Variants in PCDHGB2 observed in about 807,000 individuals in gnomAD.
PCDHGB2 encodes protocadherin gamma-B2.
A neutral mutation model predicts 59.3 loss-of-function variants in PCDHGB2; 55 were observed. That is an observed-to-expected ratio of 0.93 (90% CI 0.75 to 1.16). PCDHGB2 has a LOEUF of 1.16. Among genes scored for constraint, PCDHGB2 ranks in the 50% most tolerant of loss-of-function variants. The pLI is 0.00. For synonymous variants in PCDHGB2, 516 were observed against 512.0 expected, an observed-to-expected ratio of 1.01 and a Z score of -0.11; for missense variants, 1,228 against 1,198.5, an observed-to-expected ratio of 1.02 and a Z score of -0.36.
chr5:141,431,876 GA>G lies in PCDHGB2; in HGVS notation c.2422-62930del. 6.2e-7 allele frequency: 1 copy of G among 1,614,188 alleles called. No individual in the cohort carries two copies. Among genetic ancestry groups the G allele is most frequent in the Non-Finnish European group, 8.5e-7 (1 of 1,180,008 alleles). On this transcript the variant is annotated intron_variant, in intron 1 of 3. Transcript: ENST00000522605. The surrounding 1 kb of genome is among the most constrained non-coding windows in gnomAD (Gnocchi z 4.8). ...ATTAATTGCCCTTTTAAATGTAAATGACCAAGATTCTGAGGAAAACGGACAG... is the reference window on the plus strand; with the variant it reads ...ATTAATTGCCCTTTTAAATGTAAATGCCAAGATTCTGAGGAAAACGGACAG...
At chr5:141,376,493 C>A in intron 1 of PCDHGB2, 1 of 1,614,130 alleles carries the variant, frequency 6.2e-7, no homozygotes, top group South Asian at 1.1e-5. Flanking sequence ...GAAAGGAGAA[C>A]CCAGGCAACT....
At chr5:141,455,899 ATTTATTT>A (rs1441561749) in intron 1 of PCDHGB2, among the ~76,000 whole-genome samples, 5 of 148,258 alleles carry the variant, frequency 3.4e-5, no homozygotes, top group African/African-American at 1.2e-4. Context: ...TTATTTATTT[ATTTATTT>A]ATTTATTTTG....
chr5:141,387,668 A>C, intron 1 of PCDHGB2: 1 of 689,820 alleles, frequency 1.4e-6, no homozygotes, highest in Non-Finnish European at 2.4e-6. Flanking sequence ...GGCGCTCCAG[A>C]TCTCCTCGCG....
chr5:141,486,405 G>A lies in PCDHGB2; in HGVS notation c.2422-8402G>A. 6.2e-7 allele frequency: 1 copy of A among 1,614,114 alleles called. No homozygotes were observed. The highest frequency in any genetic ancestry group is 2.2e-5 in the East Asian group (1 of 44,862). On this transcript the variant is annotated intron_variant, in intron 1 of 3. Transcript: ENST00000522605. The surrounding 1 kb of genome is among the most constrained non-coding windows in gnomAD (Gnocchi z 5.0). ...AACCAGTTCTCCCTGGTGACTGCTG[G>A]ACCCTTGGATCGAGAGGCCAAATCT...
intron 1 of PCDHGB2, among the ~76,000 whole-genome samples, chr5:141,435,715 A>G (rs528951395): frequency 6.6e-6 from 1 of 152,328 alleles, no homozygotes; most frequent in African/African-American, 2.4e-5. Context: ...ACAGACACTG[A>G]ATGCTAAAGT....
At chr5:141,395,067 A>G (rs1200049263) in intron 1 of PCDHGB2, 4 of 1,613,888 alleles carry the variant, frequency 2.5e-6, no homozygotes, top group South Asian at 1.1e-5. Context: ...TTTCCTGCAG[A>G]CCTATTCCCA....
chr5:141,388,906 A>ACG (rs890479246), intron 1 of PCDHGB2: 2 of 1,614,016 alleles, frequency 1.2e-6, no homozygotes, highest in Admixed American at 3.3e-5. Flanking sequence ...GAAAATGACA[A>ACG]CGCCCCAGAA....
intron 1 of PCDHGB2, chr5:141,366,716 A>G (rs746454845): frequency 1.4e-5 from 23 of 1,614,062 alleles, no homozygotes; most frequent in Non-Finnish European, 1.9e-5. Flanking sequence ...GATGTCTGAT[A>G]AGGTAGATGC....
chr5:141,410,189 G>T, intron 1 of PCDHGB2: 1 of 1,613,992 alleles, frequency 6.2e-7, no homozygotes, highest in Non-Finnish European at 8.5e-7. Flanking sequence ...GCTTCATCTG[G>T]TCTTCGCAGA....
intron 1 of PCDHGB2, among the ~76,000 whole-genome samples, chr5:141,380,002 C>T (rs1238165554): frequency 6.9e-6 from 1 of 143,940 alleles, no homozygotes; most frequent in African/African-American, 2.6e-5. Flanking sequence ...TGGGTTCAAG[C>T]GATTCTCCTG....
chr5:141,463,388 C>T (rs1470533734), intron 1 of PCDHGB2, among the ~76,000 whole-genome samples: 1 of 150,092 alleles, frequency 6.7e-6, no homozygotes, highest in Non-Finnish European at 1.5e-5. Flanking sequence ...AAAGTTGTCT[C>T]CAGGCAAAAA....
intron 1 of PCDHGB2, chr5:141,366,102 T>A (rs1445962676): frequency 6.2e-7 from 1 of 1,614,084 alleles, no homozygotes; most frequent in African/African-American, 1.3e-5. Context: ...GTGACCAAGG[T>A]GGTAGCGGTG....
At chr5:141,388,692 G>A (rs2091455947) in intron 1 of PCDHGB2, 1 of 1,613,870 alleles carries the variant, frequency 6.2e-7, no homozygotes, top group Non-Finnish European at 8.5e-7. Flanking sequence ...CACGGACCAG[G>A]ATGAGGGTGT....
intron 1 of PCDHGB2, chr5:141,478,485 G>C (rs2099459345): frequency 1.2e-6 from 2 of 1,613,204 alleles, no homozygotes; most frequent in East Asian, 4.5e-5. Flanking sequence ...AACACGCTGC[G>C]GAGCTGTGAT....
chr5:141,421,395 G>A (rs2096569109), intron 1 of PCDHGB2: 1 of 1,613,950 alleles, frequency 6.2e-7, no homozygotes, highest in Admixed American at 1.7e-5. Flanking sequence ...TGGGGCTGGA[G>A]CCCCGGGAGC....
intron 1 of PCDHGB2, chr5:141,405,443 A>G (rs2154536495): frequency 7.2e-7 from 1 of 1,381,938 alleles, no homozygotes; most frequent in Non-Finnish European, 1.0e-6. Flanking sequence ...TTTTTGAGAC[A>G]GAGTCTTACT....
intron 1 of PCDHGB2, among the ~76,000 whole-genome samples, chr5:141,449,131 G>A (rs530494400): frequency 7.9e-5 from 12 of 152,220 alleles, no homozygotes; most frequent in Non-Finnish European, 1.3e-4. Flanking sequence ...CCCAGAAATG[G>A]AATTGAAATT....
chr5:141,473,975 G>T (rs188916402), intron 1 of PCDHGB2, among the ~76,000 whole-genome samples: 1 of 152,104 alleles, frequency 6.6e-6, no homozygotes, highest in Non-Finnish European at 1.5e-5. Flanking sequence ...AGTCTGAGGC[G>T]GGAGGATCCC....
intron 1 of PCDHGB2, chr5:141,377,896 G>A (rs1774450136): frequency 6.6e-6 from 1 of 152,142 alleles, no homozygotes; most frequent in African/African-American, 2.4e-5. Context: ...ATCCCCCTCT[G>A]TTGCCCAGTC....
Sources: gnomAD v4.1 joint callset for allele counts (sites outside exome capture counted in the v4.1 genomes callset) on GRCh38, gnomAD v4.1.1 for gene constraint, Gnocchi (gnomAD v3.1) non-coding constraint, MANE v1.5 for transcripts, NCBI Gene and HGNC (gene_info 2026-07-23, HGNC 2026-07-21) for gene names.